Variants in GZMA observed in about 807,000 individuals in gnomAD.
GZMA encodes granzyme A.
In GZMA, 17 loss-of-function variants were observed where a neutral mutation model predicts 21.1. The observed-to-expected ratio is 0.81, with a 90% confidence interval of 0.55 to 1.21. The LOEUF (loss-of-function observed/expected upper bound fraction) is 1.21. Among genes scored for constraint, GZMA ranks in the 50% most tolerant of loss-of-function variants. GZMA has a pLI of 0.00. For missense variants in GZMA, 306 were observed against 315.9 expected (o/e 0.97, Z 0.24); for synonymous variants, 90 against 107.8 (o/e 0.83, Z 1.03).
rs1009364087 is a variant in GZMA at position 55,105,417 on chromosome 5, T to C, written c.71-57T>C. 1.2e-5 allele frequency: 18 copies of C among 1,489,786 alleles called. No individual in the cohort carries two copies. In the African/African-American group the frequency reaches 2.5e-4, roughly 21 times the overall value. The allele number at this position is 1,489,786 out of a possible 1,614,324, so 92.3% of individuals were successfully genotyped here. The stretch of plus-strand genomic sequence containing the variant: ...ATGGCTGGTCTTAGAAACATGACTT[T>C]GTGTAGAGCTCTTTGGGGGTGAGCA... On this transcript the variant is annotated intron_variant, in intron 1 of 4. Coordinates refer to ENST00000274306, the MANE Select transcript of GZMA (RefSeq NM_006144.4).
At chr5:55,108,983 C>T (rs894411728) in intron 4 of GZMA, among the ~76,000 whole-genome samples, 1 of 152,152 alleles carries the variant, frequency 6.6e-6, no homozygotes, top group South Asian at 2.1e-4. Flanking sequence ...GGGATAGGGC[C>T]ATGCTTAAAG....
chr5:55,107,942 A>G lies in GZMA; in HGVS notation c.357+7A>G. The G allele has an allele frequency of 8.7e-6, 14 of 1,610,876 alleles. No individual in the cohort carries two copies. Among genetic ancestry groups the G allele is most frequent in the Non-Finnish European group, 1.2e-5 (14 of 1,177,500 alleles). On this transcript the variant is annotated splice_region_variant and intron_variant, in intron 3 of 4. Transcript: ENST00000274306. ...TGACCTTAAACTTTTACAGGTACGT[A>G]TCTTTGATTGTCTTCTCAAAAGTCA... is the stretch of plus-strand genomic sequence containing the variant.
chr5:55,102,724 TGTC>T lies in GZMA; in HGVS notation c.45_47del (p.Val16del), dbSNP rs1742325291. ...GATTTCTGGCATCCTCTCTCTCAGT[TGTC>T]GTTTCTCTCCTGCTAATTCCTGAAG... On this transcript the variant is annotated inframe_deletion, in exon 1 of 5. Coordinates refer to ENST00000274306, the MANE Select transcript of GZMA (RefSeq NM_006144.4). 1 of 1,609,968 alleles carries T rather than the reference TGTC, an allele frequency of 6.2e-7. No individual in the cohort carries two copies.
chr5:55,107,888 C>G lies in GZMA; in HGVS notation c.310C>G (p.Pro104Ala). Residue 104 changes from proline (P) to alanine (A), a missense_variant, in exon 3 of 5, where the codon CCA becomes GCA. Transcript: ENST00000274306. Reference sequence around the variant, plus strand: ...GCTTGTTAAGAAAGAGTTTCCCTATCCATGCTATGACCCAGCCACACGCGA... The same window carrying G: ...GCTTGTTAAGAAAGAGTTTCCCTATGCATGCTATGACCCAGCCACACGCGA... The part of the protein sequence containing the change: ...IMLVKKEFPY[P>A]CYDPATREGD... The G allele has an allele frequency of 6.2e-7, 1 of 1,612,690 alleles. No individual in the cohort carries two copies. The highest frequency in any genetic ancestry group is 1.3e-5 in the African/African-American group (1 of 75,020).
intron 1 of GZMA, among the ~76,000 whole-genome samples, chr5:55,103,472 T>A (rs774428175): frequency 6.6e-6 from 1 of 152,186 alleles, no homozygotes; most frequent in Non-Finnish European, 1.5e-5. Flanking sequence ...ATATTTCTGC[T>A]TTTGTGTGAG....
At chr5:55,104,669 T>C (rs186113320) in intron 1 of GZMA, among the ~76,000 whole-genome samples, 1 of 152,152 alleles carries the variant, frequency 6.6e-6, no homozygotes, top group East Asian at 1.9e-4. Flanking sequence ...GCACTCGGAG[T>C]GTATCACTAA....
intron 2 of GZMA, among the ~76,000 whole-genome samples, chr5:55,107,213 C>A (rs1165461355): frequency 6.6e-6 from 1 of 152,028 alleles, no homozygotes; most frequent in Non-Finnish European, 1.5e-5. Flanking sequence ...CCAAAATGAA[C>A]CTTTAAGAGA....
At chr5:55,105,316 A>G (rs1445043292) in intron 1 of GZMA, among the ~76,000 whole-genome samples, 158 bp from the exon 2 acceptor site, 1 of 152,204 alleles carries the variant, frequency 6.6e-6, no homozygotes, top group Non-Finnish European at 1.5e-5. Flanking sequence ...GATTTGCATC[A>G]GATGTCTGCG....
chr5:55,106,303 T>C (rs1407655531), intron 2 of GZMA, among the ~76,000 whole-genome samples: 2 of 118,310 alleles, frequency 1.7e-5, no homozygotes, highest in African/African-American at 7.8e-5. Context: ...AAATAAAATA[T>C]AAAATAAAAT....
chr5:55,110,194 C>T lies in GZMA; in HGVS notation c.*12C>T. On this transcript the variant is annotated 3_prime_UTR_variant, in exon 5 of 5. Coordinates refer to ENST00000274306, the MANE Select transcript of GZMA (RefSeq NM_006144.4). The stretch of plus-strand genomic sequence containing the variant: ...AGGGAGCAGTTTAAATAACCGTTTC[C>T]TTTCATTTACTGTGGCTTCTTAATC... 1.3e-6 allele frequency: 2 copies of T among 1,551,458 alleles called. No homozygotes were observed. Among genetic ancestry groups the T allele is most frequent in the Middle Eastern group, 1.9e-4 (1 of 5,326 alleles).
intron 1 of GZMA, among the ~76,000 whole-genome samples, chr5:55,104,004 C>CA (rs57267991): frequency 3.0e-3 from 376 of 125,546 alleles, no homozygotes; most frequent in Admixed American, 5.6e-3. Context: ...GACTCTGTCT[C>CA]AAAAAAAAAA....
rs1561280532 is a variant in GZMA, at chr5:55,107,838, G to T, written c.260G>T (p.Arg87Met). ...QVILGAHSIT[R>M]EEPTKQIMLV... The stretch of plus-strand genomic sequence containing the variant: ...ATTCTTGGGGCTCACTCAATAACCA[G>T]GGAAGAGCCAACAAAACAGATAATG... Residue 87 changes from arginine to methionine, a missense_variant, in exon 3 of 5, where the codon AGG (arginine) becomes ATG (methionine). Arg to Met is a moderately conservative substitution (Grantham distance 91). Coordinates refer to ENST00000274306, the MANE Select transcript of GZMA (RefSeq NM_006144.4). 1.2e-6 allele frequency: 2 copies of T among 1,612,374 alleles called. No homozygotes were observed. Among genetic ancestry groups the T allele is most frequent in the Non-Finnish European group, 1.7e-6 (2 of 1,178,478 alleles).
chr5:55,104,171 A>G (rs960632732), intron 1 of GZMA, among the ~76,000 whole-genome samples: 8 of 152,230 alleles, frequency 5.3e-5, no homozygotes, highest in African/African-American at 1.9e-4. Flanking sequence ...AAATCCAGCC[A>G]TATCTTTTCT....
intron 2 of GZMA, among the ~76,000 whole-genome samples, chr5:55,106,471 T>C (rs1742420671): frequency 6.6e-6 from 1 of 152,126 alleles, no homozygotes; most frequent in Non-Finnish European, 1.5e-5. Flanking sequence ...AATCAGGCAA[T>C]GAGGAAGCAG....
chr5:55,105,566 G>GC lies in GZMA; in HGVS notation c.164dup (p.Gly56TrpfsTer16). 6.2e-7 allele frequency: 1 copy of GC among 1,613,520 alleles called. No homozygotes were observed. Among genetic ancestry groups the GC allele is most frequent in the Non-Finnish European group, 8.5e-7 (1 of 1,179,470 alleles). ...TAGTCTTGACAGAAAAACCATCTGT[G>GC]CTGGGGCTTTGATTGCAAAAGACTG... On this transcript the variant is annotated frameshift_variant, in exon 2 of 5. Transcript: ENST00000274306. LOFTEE classifies it high-confidence loss of function.
chr5:55,105,701 A>G (rs1742375713), intron 2 of GZMA, 83 bp downstream of exon 2: 5 of 1,225,058 alleles, frequency 4.1e-6, no homozygotes, highest in Non-Finnish European at 5.9e-6. Flanking sequence ...GGCCGGGCAC[A>G]GTGGCTTACA....
chr5:55,109,944 C>T, intron 4 of GZMA, 77 bp from the exon 5 acceptor site: 1 of 1,078,826 alleles, frequency 9.3e-7, no homozygotes, highest in Non-Finnish European at 1.3e-6. Context: ...ATATTAAATG[C>T]TGCAGAATTT....
intron 2 of GZMA, 38 bp downstream of exon 2, chr5:55,105,656 T>C: frequency 3.2e-6 from 5 of 1,559,956 alleles, no homozygotes; most frequent in Non-Finnish European, 4.4e-6. Flanking sequence ...TTTGTAAAGA[T>C]ACTCTAATTT....
At chr5:55,103,869 G>A (rs1392564201) in intron 1 of GZMA, among the ~76,000 whole-genome samples, 1 of 152,114 alleles carries the variant, frequency 6.6e-6, no homozygotes, top group Admixed American at 6.6e-5. Context: ...AGCTGGGTAT[G>A]GTGGCACGTG....
Sources: gnomAD v4.1 joint callset for allele counts (sites outside exome capture counted in the v4.1 genomes callset) on GRCh38, gnomAD v4.1.1 for gene constraint, MANE v1.5 for transcripts, NCBI Gene and HGNC (gene_info 2026-07-23, HGNC 2026-07-21) for gene names.